CDH13: variants seen among roughly 807,000 people sequenced by gnomAD.
CDH13 encodes the protein cadherin-13.
A neutral mutation model predicts 63.8 loss-of-function variants in CDH13; 24 were observed. The ratio of observed to expected loss-of-function variants is 0.38; its 90% CI spans 0.27 to 0.53. The LOEUF (loss-of-function observed/expected upper bound fraction) is 0.53. Among genes scored for constraint, CDH13 ranks in the 20% least tolerant of loss-of-function variants. CDH13 has a pLI of 0.85. For synonymous variants in CDH13, 503 were observed against 355.3 expected (o/e 1.42, Z -4.67); for missense variants, 1,049 against 903.1 (o/e 1.16, Z -2.07).
intron 4 of CDH13, among the ~76,000 whole-genome samples, chr16:83,213,540 C>A (rs1383697066): frequency 6.6e-6 from 1 of 152,078 alleles, no homozygotes; most frequent in Non-Finnish European, 1.5e-5. Flanking sequence ...ACCAGCGGGG[C>A]CTGTGTCTGG....
chr16:83,184,214 A>C (rs1280066174), intron 4 of CDH13, among the ~76,000 whole-genome samples: 1 of 151,752 alleles, frequency 6.6e-6, no homozygotes, highest in East Asian at 1.9e-4. Flanking sequence ...TTTGTAGTAA[A>C]TTTCCCCATC....
chr16:83,505,574 G>C (rs1444760260), intron 7 of CDH13, among the ~76,000 whole-genome samples: 1 of 84,332 alleles, frequency 1.2e-5, no homozygotes, highest in Non-Finnish European at 2.3e-5. Context: ...AGGAGTTTTT[G>C]CTCTTGTTGC....
At chr16:83,216,439 T>TAAAA (rs1419896545) in intron 4 of CDH13, among the ~76,000 whole-genome samples, 12 of 108,196 alleles carry the variant, frequency 1.1e-4, no homozygotes, top group African/African-American at 4.1e-4. Flanking sequence ...TATATATATA[T>TAAAA]ATATACACAA....
intron 4 of CDH13, among the ~76,000 whole-genome samples, chr16:83,171,327 G>A (rs896540313): frequency 6.6e-6 from 1 of 152,068 alleles, no homozygotes; most frequent in Non-Finnish European, 1.5e-5. Flanking sequence ...CCAAAGGGAT[G>A]GTCCTAAACC....
At chr16:82,741,854 A>C (rs906323589) in intron 1 of CDH13, among the ~76,000 whole-genome samples, 1 of 152,192 alleles carries the variant, frequency 6.6e-6, no homozygotes, top group Non-Finnish European at 1.5e-5. Context: ...CTAACTGACA[A>C]CTTTCAGGGA....
chr16:83,201,721 C>T (rs982015010), intron 4 of CDH13, among the ~76,000 whole-genome samples: 3 of 151,114 alleles, frequency 2.0e-5, no homozygotes, highest in Non-Finnish European at 4.4e-5. Context: ...CATGGTGAAA[C>T]CCCGTCTCTA....
intron 3 of CDH13, among the ~76,000 whole-genome samples, chr16:83,118,135 G>T (rs146828448): frequency 6.6e-6 from 1 of 152,166 alleles, no homozygotes; most frequent in African/African-American, 2.4e-5. Context: ...AGATGCTGCG[G>T]ATCACTGTCC....
rs536246886 is a variant in CDH13 at position 83,005,260 on chromosome 16, C to G, written c.158-26750C>G. Among the ~76,000 whole-genome samples the G allele has an allele frequency of 1.8e-4, 28 of 152,280 alleles. No individual in the cohort carries two copies. The South Asian group carries it at 5.6e-3, about 30-fold the overall frequency. ...GATTTTTGGATGATTATTTCATTGT[C>G]TCCACTCAAAGATTAAGTTTGGAAA... is the stretch of plus-strand genomic sequence containing the variant. On this transcript the variant is annotated intron_variant, in intron 2 of 13. Transcript: ENST00000567109.
At chr16:83,513,824 A>G (rs1006798327) in intron 7 of CDH13, among the ~76,000 whole-genome samples, 3 of 152,158 alleles carry the variant, frequency 2.0e-5, no homozygotes, top group Non-Finnish European at 4.4e-5. Context: ...TCAAAGACAA[A>G]TGCCACCATA....
chr16:83,215,533 T>C (rs1329508833), intron 4 of CDH13, among the ~76,000 whole-genome samples: 1 of 150,208 alleles, frequency 6.7e-6, no homozygotes, highest in Admixed American at 6.6e-5. Flanking sequence ...CCTTGAGTGA[T>C]CCTGCCAGAT....
intron 10 of CDH13, among the ~76,000 whole-genome samples, chr16:83,719,470 G>A (rs767528077): frequency 4.5e-4 from 68 of 152,154 alleles, no homozygotes; most frequent in African/African-American, 1.6e-3. Flanking sequence ...CACAGGATCC[G>A]TAGCCTGAAT....
At chr16:82,857,019 C>T (rs1388032959) in intron 1 of CDH13, among the ~76,000 whole-genome samples, 1 of 152,072 alleles carries the variant, frequency 6.6e-6, no homozygotes, top group African/African-American at 2.4e-5. Context: ...GATAAAATAC[C>T]CTTCCACAAG....
intron 3 of CDH13, among the ~76,000 whole-genome samples, chr16:83,032,720 G>A (rs954691538): frequency 2.0e-5 from 3 of 152,114 alleles, no homozygotes; most frequent in Admixed American, 6.5e-5. Context: ...GGTGTCCATT[G>A]GGTTGTGATG....
intron 8 of CDH13, among the ~76,000 whole-genome samples, chr16:83,646,106 G>A (rs1911767079): frequency 6.6e-6 from 1 of 152,014 alleles, no homozygotes; most frequent in Admixed American, 6.6e-5. Flanking sequence ...CCCTAGTGTG[G>A]GACCATACGT....
chr16:82,664,207 T>A (rs1912317995), intron 1 of CDH13, among the ~76,000 whole-genome samples: 1 of 152,250 alleles, frequency 6.6e-6, no homozygotes, highest in African/African-American at 2.4e-5. Flanking sequence ...TTCACTAAAT[T>A]GTGCTGCAAA....
At chr16:83,566,357 G>A (rs1904280389) in intron 7 of CDH13, among the ~76,000 whole-genome samples, 1 of 152,192 alleles carries the variant, frequency 6.6e-6, no homozygotes, top group African/African-American at 2.4e-5. Context: ...GGGGTGGCCT[G>A]CTGGAATGGG....
In CDH13 at chr16:83,476,065, C is replaced by T. The variant is rs142069090; in HGVS notation, c.782-10412C>T. Among the ~76,000 whole-genome samples the T allele has an allele frequency of 4.8e-3, 734 of 152,198 alleles. 11 individuals are homozygous for T. Among genetic ancestry groups the T allele is most frequent in the African/African-American group, 0.016 (685 of 41,516 alleles). ...GCTTTATATTACCTTAAGCTGTAAA[C>T]GAAGAAAAATGATAAAAACTCATCT... On this transcript the variant is annotated intron_variant, in intron 6 of 13. Coordinates refer to ENST00000567109, the MANE Select transcript of CDH13 (RefSeq NM_001257.5).
intron 10 of CDH13, among the ~76,000 whole-genome samples, chr16:83,733,933 A>C (rs1172675561): frequency 6.6e-6 from 1 of 152,196 alleles, no homozygotes; most frequent in South Asian, 2.1e-4. Context: ...CCCAGGTTCC[A>C]TGCTGCTGAG....
At chr16:82,910,738 T>C (rs2041804771) in intron 2 of CDH13, among the ~76,000 whole-genome samples, 2 of 152,322 alleles carry the variant, frequency 1.3e-5, no homozygotes, top group South Asian at 4.1e-4. Context: ...ATTTCTCATA[T>C]GATTCACAGT....
Sources: allele counts gnomAD v4.1 joint callset (sites outside exome capture counted in the v4.1 genomes callset), GRCh38; gene constraint gnomAD v4.1.1; transcripts MANE v1.5; gene names NCBI Gene and HGNC (gene_info 2026-07-23, HGNC 2026-07-21).